Variants in MYO5B observed in about 807,000 individuals in gnomAD.
MYO5B encodes the protein unconventional myosin-Vb.
MYO5B carries 143 observed loss-of-function variants against 229.3 expected under a neutral mutation model. That is an observed-to-expected ratio of 0.62 (90% CI 0.54 to 0.72). The LOEUF (loss-of-function observed/expected upper bound fraction) is 0.72, where lower values mean the gene tolerates loss of function less well. Ranked by LOEUF, MYO5B falls within the 30% of genes least tolerant of loss-of-function variation. The pLI, the probability that MYO5B is intolerant of heterozygous loss-of-function variation, is 0.00. For missense variants in MYO5B, 2,321 were observed against 2,331.0 expected, an observed-to-expected ratio of 1.00 and a Z score of 0.09; for synonymous variants, 918 against 885.2, an observed-to-expected ratio of 1.04 and a Z score of -0.66.
chr18:50,053,572 A>C (rs868678196), intron 2 of MYO5B, among the ~76,000 whole-genome samples: 1 of 152,170 alleles, frequency 6.6e-6, no homozygotes. Flanking sequence ...CATGGTAAAC[A>C]TAATTCCATC....
At position 50,070,428 on chromosome 18, in the gene MYO5B, A is replaced by G. The variant is rs544868207; in HGVS notation, c.28-15050T>C. Among the ~76,000 whole-genome samples, 6 of 152,102 alleles carry G rather than the reference A, an allele frequency of 3.9e-5. No individual in the cohort carries two copies. The South Asian group carries it at 8.3e-4, about 21-fold the overall frequency. ...CAGTTCTCATCTGGGGTGGGGGACA[A>G]AACTGTCCCCAGAGGACACGTGGCA... is the stretch of plus-strand genomic sequence containing the variant. On this transcript the variant is annotated intron_variant, in intron 1 of 39. Transcript: ENST00000285039.
chr18:50,134,580 A>C lies in MYO5B; in HGVS notation c.27+60187T>G, dbSNP rs927022258. On this transcript the variant is annotated intron_variant, in intron 1 of 39. Transcript: ENST00000285039. Reference sequence around the variant, plus strand: ...AATAAATAAATAAATAAATAAATAAATAAATAAATAAATAAATAAATAATA... The same window carrying C: ...AATAAATAAATAAATAAATAAATAACTAAATAAATAAATAAATAAATAATA... 1.7e-4 allele frequency among the ~76,000 whole-genome samples: 26 copies of C among 151,484 alleles called. 1 individual carries two copies. The highest frequency in any genetic ancestry group is 7.9e-4 in the Admixed American group (12 of 15,226).
chr18:49,921,916 G>T (rs774028227), intron 17 of MYO5B, among the ~76,000 whole-genome samples: 3 of 152,180 alleles, frequency 2.0e-5, no homozygotes, highest in African/African-American at 4.8e-5. Flanking sequence ...GGCATAAATT[G>T]TAATTCCCTT....
chr18:50,122,636 AGAGAGAGAGAGAGAGAGAG>A (rs2032085043), intron 1 of MYO5B, among the ~76,000 whole-genome samples: 1 of 1,136 alleles, frequency 8.8e-4, no homozygotes, highest in African/African-American at 1.7e-3. Context: ...AGGGGGGGGG[AGAGAGAGAGAGAGAGAGAG>A]AGAGAGAGAG....
At chr18:49,938,911 CT>C (rs886759940) in intron 14 of MYO5B, among the ~76,000 whole-genome samples, 54 of 70,826 alleles carry the variant, frequency 7.6e-4, no homozygotes, top group Non-Finnish European at 1.1e-3. Context: ...CTGTCTGTGT[CT>C]CCCACAGGCT....
chr18:49,971,700 G>A (rs2025694155), intron 10 of MYO5B, among the ~76,000 whole-genome samples: 2 of 152,198 alleles, frequency 1.3e-5, no homozygotes, highest in Admixed American at 1.3e-4. Context: ...TTTAGGGCAT[G>A]TATGTAAGTG....
chr18:50,075,127 G>C (rs2031049306), intron 1 of MYO5B, among the ~76,000 whole-genome samples: 1 of 152,126 alleles, frequency 6.6e-6, no homozygotes, highest in African/African-American at 2.4e-5. Context: ...TACATCTCTA[G>C]TGCCAAGTGT....
At chr18:49,883,996 C>T (rs1319434745) in intron 22 of MYO5B, among the ~76,000 whole-genome samples, 1 of 152,144 alleles carries the variant, frequency 6.6e-6, no homozygotes, top group Non-Finnish European at 1.5e-5. Context: ...AGGGCTAAAA[C>T]TATAAAACTC....
At chr18:49,834,126 A>C (rs1374757988) in intron 39 of MYO5B, among the ~76,000 whole-genome samples, 1 of 151,898 alleles carries the variant, frequency 6.6e-6, no homozygotes, top group African/African-American at 2.4e-5. Context: ...AGGGCTCTCT[A>C]AATCTCTGGA....
intron 5 of MYO5B, among the ~76,000 whole-genome samples, chr18:49,996,576 T>C (rs934146491): frequency 6.6e-5 from 10 of 152,232 alleles, no homozygotes; most frequent in Non-Finnish European, 1.3e-4. Context: ...CAACTACTTA[T>C]GGTATAACAA....
intron 1 of MYO5B, among the ~76,000 whole-genome samples, chr18:50,102,185 T>TG (rs538909883): frequency 6.6e-4 from 100 of 151,986 alleles, no homozygotes; most frequent in African/African-American, 2.0e-3. Context: ...CACTCATAAG[T>TG]GGGGGTTGAA....
intron 2 of MYO5B, among the ~76,000 whole-genome samples, chr18:50,054,745 C>G (rs536150085): frequency 6.6e-6 from 1 of 152,190 alleles, no homozygotes; most frequent in Non-Finnish European, 1.5e-5. Flanking sequence ...GTGCCAGGCA[C>G]TGTTTTAAGT....
At chr18:50,067,563 C>T (rs930390690) in intron 1 of MYO5B, among the ~76,000 whole-genome samples, 5 of 152,158 alleles carry the variant, frequency 3.3e-5, no homozygotes, top group African/African-American at 1.2e-4. Flanking sequence ...CGTGTGCAGA[C>T]CCCTGATGAA....
intron 39 of MYO5B, among the ~76,000 whole-genome samples, chr18:49,833,512 T>C (rs897637571): frequency 6.6e-6 from 1 of 152,086 alleles, no homozygotes; most frequent in South Asian, 2.1e-4. Flanking sequence ...AGAATCTGAC[T>C]GTACATATTT....
At position 49,853,634 on chromosome 18, in the gene MYO5B, G is replaced by A. The variant is rs370647174; in HGVS notation, c.4036C>T (p.Gln1346Ter). ...TGCTCCAGGCTCTGGGCCTGCAGCTGAGCCTCCAGCAGCCTGTGCCAGGGA... is the reference window on the plus strand; with the variant it reads ...TGCTCCAGGCTCTGGGCCTGCAGCTAAGCCTCCAGCAGCCTGTGCCAGGGA... ...LKQVARLLEAQLQAQSLEHEE... is the reference protein window; with the variant it reads ...LKQVARLLEA Residue 1346 changes from glutamine to a stop codon, truncating the protein, a stop_gained, in exon 31 of 40, where the codon CAG becomes TAG. Transcript: ENST00000285039. LOFTEE classifies it high-confidence loss of function. 14 of 1,612,782 alleles carry A rather than the reference G, an allele frequency of 8.7e-6. No homozygotes were observed. Among genetic ancestry groups the A allele is most frequent in the Non-Finnish European group, 1.2e-5 (14 of 1,179,904 alleles).
intron 1 of MYO5B, among the ~76,000 whole-genome samples, chr18:50,111,751 G>A (rs537255682): frequency 6.6e-5 from 10 of 152,300 alleles, no homozygotes; most frequent in East Asian, 3.9e-4. Flanking sequence ...ATAAAACTAC[G>A]TTTACTAACT....
chr18:50,170,431 G>A (rs530057469), intron 1 of MYO5B, among the ~76,000 whole-genome samples: 1 of 127,340 alleles, frequency 7.9e-6, no homozygotes, highest in African/African-American at 3.0e-5. Context: ...ACAAATAAAC[G>A]GGGACTTTGA....
At chr18:50,192,334 A>T (rs1420992383) in intron 1 of MYO5B, among the ~76,000 whole-genome samples, 2 of 152,242 alleles carry the variant, frequency 1.3e-5, no homozygotes, top group African/African-American at 2.4e-5. Context: ...TTGTAACGGG[A>T]TGAAATGTGG....
At chr18:50,109,220 C>G (rs1003160521) in intron 1 of MYO5B, among the ~76,000 whole-genome samples, 1 of 152,146 alleles carries the variant, frequency 6.6e-6, no homozygotes, top group Non-Finnish European at 1.5e-5. Flanking sequence ...AGACTAGAAG[C>G]TACATGACAG....
Sources: gnomAD v4.1 joint callset for allele counts (sites outside exome capture counted in the v4.1 genomes callset) on GRCh38, gnomAD v4.1.1 for gene constraint, MANE v1.5 for transcripts, NCBI Gene and HGNC (gene_info 2026-07-23, HGNC 2026-07-21) for gene names.